The following MAGI2 variants were observed in gnomAD, a reference collection of about 807,000 sequenced individuals.
The protein encoded by MAGI2 is membrane associated guanylate kinase, WW and PDZ domain containing 2.
MAGI2 carries 35 observed loss-of-function variants against 133.3 expected under a neutral mutation model. That is an observed-to-expected ratio of 0.26 (90% CI 0.20 to 0.35). MAGI2 has a LOEUF of 0.35. Ranked by LOEUF, MAGI2 falls within the 10% of genes least tolerant of loss-of-function variation. MAGI2 has a pLI of 1.00. For synonymous variants in MAGI2, 729 were observed against 710.6 expected (o/e 1.03, Z -0.41); for missense variants, 1,636 against 1,863.4 (o/e 0.88, Z 2.25).
chr7:78,108,714 ATATATGTGTGTG>A, intron 20 of MAGI2, among the ~76,000 whole-genome samples: 2 of 117,062 alleles, frequency 1.7e-5, no homozygotes, highest in Admixed American at 9.0e-5. Context: ...ATGTGAGTGT[ATATATGTGTGTG>A]TATACACACA....
rs1449488628 is a variant in MAGI2 at position 79,028,378 on chromosome 7, C to T, written c.302-21172G>A. 9.7e-5 allele frequency among the ~76,000 whole-genome samples: 14 copies of T among 144,194 alleles called. No homozygotes were observed. The Middle Eastern group carries it at 0.011, about 114-fold the overall frequency. 94.6% of individuals were successfully genotyped at this position (144,194 alleles called of 152,430 possible). ...ACATACACACACACACACATGCATA[C>T]GCATCTACACAGATACACATATGAT... On this transcript the variant is annotated intron_variant, in intron 1 of 21. Coordinates refer to ENST00000354212, the MANE Select transcript of MAGI2 (RefSeq NM_012301.4).
chr7:78,054,367 G>A (rs1025797590), intron 21 of MAGI2, among the ~76,000 whole-genome samples: 5 of 151,962 alleles, frequency 3.3e-5, no homozygotes, highest in Admixed American at 2.6e-4. Flanking sequence ...CTCATGATCC[G>A]CCTACCTCAG....
chr7:78,599,194 T>G (rs1804927293), intron 3 of MAGI2, among the ~76,000 whole-genome samples: 1 of 152,146 alleles, frequency 6.6e-6, no homozygotes, highest in Non-Finnish European at 1.5e-5. Context: ...ACATGACCAT[T>G]CCATACACAC....
At chr7:78,085,001 T>C (rs1032333767) in intron 20 of MAGI2, among the ~76,000 whole-genome samples, 3 of 152,202 alleles carry the variant, frequency 2.0e-5, no homozygotes, top group African/African-American at 7.2e-5. Context: ...GGGTTCCAAG[T>C]GCCTATTACA....
intron 1 of MAGI2, among the ~76,000 whole-genome samples, chr7:79,064,468 A>AG (rs1456002551): frequency 6.6e-5 from 10 of 152,056 alleles, no homozygotes; most frequent in Non-Finnish European, 1.3e-4. Context: ...TTTTTAGAAG[A>AG]GGAAGAAGAT....
chr7:78,360,118 T>C (rs1439918396), intron 7 of MAGI2, among the ~76,000 whole-genome samples: 1 of 152,238 alleles, frequency 6.6e-6, no homozygotes, highest in African/African-American at 2.4e-5. Flanking sequence ...ATTATTCAAT[T>C]ATAGGATGCC....
chr7:78,643,041 T>C (rs1810475724), intron 2 of MAGI2, among the ~76,000 whole-genome samples: 1 of 152,202 alleles, frequency 6.6e-6, no homozygotes. Flanking sequence ...AAACTGGGAA[T>C]CAAATATCCT....
chr7:78,986,317 GA>G (rs1392309152), intron 2 of MAGI2, among the ~76,000 whole-genome samples: 1 of 152,000 alleles, frequency 6.6e-6, no homozygotes, highest in Non-Finnish European at 1.5e-5. Context: ...ATGTATTTAA[GA>G]ATCTATTTTT....
At chr7:79,398,153 C>G (rs1451959936) in intron 1 of MAGI2, among the ~76,000 whole-genome samples, 1 of 152,184 alleles carries the variant, frequency 6.6e-6, no homozygotes, top group African/African-American at 2.4e-5. Context: ...TTTCCAAGCT[C>G]TTCTGCTTTG....
rs766361210 is a variant in MAGI2, at chr7:78,900,291, A to G, written c.418+106799T>C. 1.4e-4 allele frequency among the ~76,000 whole-genome samples: 22 copies of G among 152,038 alleles called. 1 individual carries two copies. Among genetic ancestry groups the G allele is most frequent in the Non-Finnish European group, 2.9e-5 (2 of 67,988 alleles). ...GTCAAGGATATTTTTAAAACACACA[A>G]TTTATCTTCTTATTCTTACTCTCGA... On this transcript the variant is annotated intron_variant, in intron 2 of 21. Coordinates refer to ENST00000354212, the MANE Select transcript of MAGI2 (RefSeq NM_012301.4).
chr7:78,964,629 A>G (rs1212752014), intron 2 of MAGI2, among the ~76,000 whole-genome samples: 2 of 152,082 alleles, frequency 1.3e-5, no homozygotes, highest in Non-Finnish European at 2.9e-5. Context: ...GTAATGATAC[A>G]AATATTATTC....
intron 2 of MAGI2, among the ~76,000 whole-genome samples, chr7:78,979,642 C>T (rs148454311): frequency 1.3e-5 from 2 of 151,924 alleles, no homozygotes; most frequent in East Asian, 3.9e-4. Context: ...TCACTCTGTT[C>T]TCAAGTTCAA....
rs61071942 is a variant in MAGI2, at chr7:78,190,932, A to G, written c.2269+3942T>C. 1.5e-3 allele frequency among the ~76,000 whole-genome samples: 223 copies of G among 152,336 alleles called. 1 individual carries two copies. Among genetic ancestry groups the G allele is most frequent in the African/African-American group, 5.2e-3 (218 of 41,584 alleles). On this transcript the variant is annotated intron_variant, in intron 12 of 21. Transcript: ENST00000354212. ...GGAAAGGTATTTTCTTTTGTTTTCA[A>G]TTTTCAAAATTGCAAGTAGTGGGGA...
At chr7:79,023,291 C>A (rs576097352) in intron 1 of MAGI2, among the ~76,000 whole-genome samples, 102 of 152,184 alleles carry the variant, frequency 6.7e-4, no homozygotes, top group African/African-American at 2.4e-3. Context: ...AACATCCATT[C>A]ATTTAATAAC....
chr7:78,599,342 A>G (rs1003917593), intron 3 of MAGI2, among the ~76,000 whole-genome samples: 1 of 152,138 alleles, frequency 6.6e-6, no homozygotes, highest in Non-Finnish European at 1.5e-5. Flanking sequence ...TGTTCTTACT[A>G]CAATAACAAT....
At chr7:79,288,376 CTA>C (rs937459021) in intron 1 of MAGI2, among the ~76,000 whole-genome samples, 91 of 152,250 alleles carry the variant, frequency 6.0e-4, no homozygotes, top group African/African-American at 2.1e-3. Context: ...TAATTATTAA[CTA>C]TATATTATGA....
intron 10 of MAGI2, among the ~76,000 whole-genome samples, chr7:78,227,850 T>TTGTGTGTGTG (rs3085614): frequency 0.12 from 17,670 of 145,460 alleles, 1,341 homozygotes; most frequent in Admixed American, 0.21. Flanking sequence ...TCTTACTCAG[T>TTGTGTGTGTG]TGTGTGTGTG....
chr7:78,794,344 A>G (rs1476170864), intron 2 of MAGI2, among the ~76,000 whole-genome samples: 1 of 152,182 alleles, frequency 6.6e-6, no homozygotes, highest in African/African-American at 2.4e-5. Flanking sequence ...GGAGCAAGAG[A>G]TGCTTAAGAA....
intron 21 of MAGI2, among the ~76,000 whole-genome samples, chr7:78,044,678 C>CAT (rs71515384): frequency 7.9e-6 from 1 of 126,476 alleles, no homozygotes. Context: ...GCTAATGTAC[C>CAT]GTGTGTGTGT....
Sources: gnomAD v4.1 joint callset for allele counts (sites outside exome capture counted in the v4.1 genomes callset) on GRCh38, gnomAD v4.1.1 for gene constraint, MANE v1.5 for transcripts, NCBI Gene and HGNC (gene_info 2026-07-23, HGNC 2026-07-21) for gene names.